The following PPARGC1A variants were observed in gnomAD, a reference collection of about 807,000 sequenced individuals.
PPARGC1A encodes the protein PPARG coactivator 1 alpha.
PPARGC1A carries 25 observed loss-of-function variants against 88.7 expected under a neutral mutation model. The observed-to-expected ratio is 0.28, with a 90% CI of 0.21 to 0.39. PPARGC1A has a LOEUF of 0.39. PPARGC1A is among the 10% of genes least tolerant of loss of function. PPARGC1A has a pLI of 1.00. For synonymous variants in PPARGC1A, 363 were observed against 355.6 expected, an observed-to-expected ratio of 1.02 and a Z score of -0.24; for missense variants, 880 against 968.7, an observed-to-expected ratio of 0.91 and a Z score of 1.22.
chr4:23,829,654 A>ATTGAAAT (rs1724651368), intron 3 of PPARGC1A, 69 bp from the exon 4 acceptor site: 1 of 1,423,156 alleles, frequency 7.0e-7, no homozygotes, highest in African/African-American at 1.4e-5. Flanking sequence ...GGAATAAGTT[A>ATTGAAAT]TTGAAATTTT....
At chr4:23,979,294 T>C in the PPARGC1A span, among the ~76,000 whole-genome samples, 2 of 152,194 alleles carry the variant, frequency 1.3e-5, no homozygotes. Context: ...AATATCAATT[T>C]TAAGGGATAC....
the PPARGC1A span, among the ~76,000 whole-genome samples, chr4:24,045,958 T>C: frequency 0.091 from 13,921 of 152,218 alleles, 1,168 homozygotes; most frequent in African/African-American, 0.22. Flanking sequence ...CTGGTGATGA[T>C]GGCCACAGTT....
intron 10 of PPARGC1A, among the ~76,000 whole-genome samples, chr4:23,808,394 C>T (rs536769018): frequency 2.0e-5 from 3 of 152,070 alleles, no homozygotes. Context: ...GCAGTCATTG[C>T]CGCCTGAGCA....
chr4:24,349,758 C>G, the PPARGC1A span, among the ~76,000 whole-genome samples: 1 of 152,176 alleles, frequency 6.6e-6, no homozygotes, highest in Non-Finnish European at 1.5e-5. Flanking sequence ...GGCTTTAGTT[C>G]TTCCCCGTCC....
At chr4:24,389,150 A>T in the PPARGC1A span, among the ~76,000 whole-genome samples, 1 of 152,154 alleles carries the variant, frequency 6.6e-6, no homozygotes, top group Non-Finnish European at 1.5e-5. Context: ...TATTTTTAAA[A>T]CATTTTCAGT....
Position 23,884,892 on chromosome 4 carries a change from C to G in PPARGC1A, c.94G>C (p.Asp32His), listed in dbSNP as rs757290172. 3 of 1,613,608 alleles carry G rather than the reference C, an allele frequency of 1.9e-6. No individual in the cohort carries two copies. In the Admixed American group the frequency reaches 5.0e-5, roughly 27 times the overall value. ...LVGEDQPLCP[D>H]LPELDLSELD... Reference sequence around the variant, plus strand: ...TCAGAAAGATCAAGTTCAGGAAGATCTGGGCAAAGAGGCTGGTCTTCACCA... The same window carrying G: ...TCAGAAAGATCAAGTTCAGGAAGATGTGGGCAAAGAGGCTGGTCTTCACCA... Residue 32 changes from aspartate (D) to histidine (H), a missense_variant, in exon 2 of 13, where the codon GAT becomes CAT. By Grantham distance (81) the Asp-to-His change is moderately conservative. Coordinates refer to ENST00000264867, the MANE Select transcript of PPARGC1A (RefSeq NM_013261.5).
the PPARGC1A span, among the ~76,000 whole-genome samples, chr4:24,321,055 C>A: frequency 6.6e-6 from 1 of 152,198 alleles, no homozygotes. Context: ...GACTCCTCTT[C>A]GTGCAAGCCT....
At chr4:23,870,222 C>G (rs1713000094) in intron 2 of PPARGC1A, among the ~76,000 whole-genome samples, 1 of 152,144 alleles carries the variant, frequency 6.6e-6, no homozygotes, top group Admixed American at 6.5e-5. Flanking sequence ...AATCAAAGAA[C>G]TTAACTTGCT....
At chr4:24,156,977 G>A in the PPARGC1A span, among the ~76,000 whole-genome samples, 44 of 151,984 alleles carry the variant, frequency 2.9e-4, no homozygotes, top group Admixed American at 2.0e-3. Flanking sequence ...CCATCCCTTC[G>A]CTACTTTGAT....
chr4:24,412,913 C>A, the PPARGC1A span, among the ~76,000 whole-genome samples: 18 of 152,370 alleles, frequency 1.2e-4, no homozygotes, highest in Admixed American at 1.1e-3. Context: ...TATTTACTAT[C>A]TGGCACTTTT....
chr4:24,171,836 C>T, the PPARGC1A span, among the ~76,000 whole-genome samples: 2 of 152,138 alleles, frequency 1.3e-5, no homozygotes, highest in Non-Finnish European at 2.9e-5. Flanking sequence ...AACACAGTCA[C>T]CTTACATATT....
Position 23,814,154 on chromosome 4 carries a change from C to T in PPARGC1A, c.1329G>A (p.Gln443=). Residue 443 remains glutamine, a synonymous_variant, in exon 8 of 13, where the codon CAG becomes CAA. Transcript: ENST00000264867. ...YLRETLEASK[Q]VSPCSTRKQL... is the part of the protein sequence containing the mutation. Reference sequence around the variant, plus strand: ...GTTTTCTTGTGCTGCAAGGAGAGACCTGCTTGCTTGCCTCCAAAGTCTCTC... The same window carrying T: ...GTTTTCTTGTGCTGCAAGGAGAGACTTGCTTGCTTGCCTCCAAAGTCTCTC... 6.2e-7 allele frequency: 1 copy of T among 1,614,094 alleles called. No individual in the cohort carries two copies.
At chr4:24,275,182 T>G in the PPARGC1A span, among the ~76,000 whole-genome samples, 1 of 149,986 alleles carries the variant, frequency 6.7e-6, no homozygotes, top group Non-Finnish European at 1.5e-5. Context: ...ATCAATCTTT[T>G]GTCTGTACAA....
At chr4:24,400,168 GTCAACT>G in the PPARGC1A span, among the ~76,000 whole-genome samples, 1 of 152,180 alleles carries the variant, frequency 6.6e-6, no homozygotes, top group African/African-American at 2.4e-5. Flanking sequence ...AATACTGAAT[GTCAACT>G]TGATTGGATT....
chr4:24,319,571 T>C, the PPARGC1A span, among the ~76,000 whole-genome samples: 1 of 152,048 alleles, frequency 6.6e-6, no homozygotes, highest in Non-Finnish European at 1.5e-5. Context: ...AAAAAAACAA[T>C]AAATGGGTTG....
At chr4:24,363,444 C>G in the PPARGC1A span, among the ~76,000 whole-genome samples, 7 of 152,134 alleles carry the variant, frequency 4.6e-5, no homozygotes, top group Non-Finnish European at 8.8e-5. Flanking sequence ...ATGTTATTAA[C>G]GTAACATTCA....
the PPARGC1A span, among the ~76,000 whole-genome samples, chr4:24,103,448 C>A: frequency 9.2e-5 from 14 of 152,034 alleles, no homozygotes; most frequent in Non-Finnish European, 1.8e-4. Flanking sequence ...CAGAAAAGCA[C>A]GAAAGAGCAC....
the PPARGC1A span, among the ~76,000 whole-genome samples, chr4:24,160,981 T>A: frequency 1.3e-5 from 2 of 152,310 alleles, no homozygotes; most frequent in Middle Eastern, 3.4e-3. Flanking sequence ...TTCTGAGACC[T>A]GCAAACTCTT....
the PPARGC1A span, among the ~76,000 whole-genome samples, chr4:24,193,482 G>A: frequency 6.6e-6 from 1 of 152,082 alleles, no homozygotes; most frequent in African/African-American, 2.4e-5. Context: ...GAGACCCCTG[G>A]GCAATGATCT....
Sources: gnomAD v4.1 joint callset for allele counts (sites outside exome capture counted in the v4.1 genomes callset) on GRCh38, gnomAD v4.1.1 for gene constraint, MANE v1.5 for transcripts, NCBI Gene and HGNC (gene_info 2026-07-23, HGNC 2026-07-21) for gene names.